Variants in PKD1L3 observed in about 807,000 individuals in gnomAD.
The protein encoded by PKD1L3 is polycystin-1-like protein 3.
PKD1L3 carries 239 observed loss-of-function variants against 184.1 expected under a neutral mutation model. That is an observed-to-expected ratio of 1.30 (90% CI 1.17 to 1.45). The LOEUF (loss-of-function observed/expected upper bound fraction) is 1.45, where lower values mean the gene tolerates loss of function less well. Among genes scored for constraint, PKD1L3 ranks in the 40% most tolerant of loss-of-function variants. The probability of loss-of-function intolerance (pLI) is 0.00; values close to 1 mark genes in which losing one functional copy is unlikely to be tolerated. For missense variants in PKD1L3, 2,660 were observed against 2,067.2 expected, an observed-to-expected ratio of 1.29 and a Z score of -5.56; for synonymous variants, 996 against 778.8, an observed-to-expected ratio of 1.28 and a Z score of -4.64.
At chr16:71,983,581 TA>T (rs920059085) in intron 6 of PKD1L3, among the ~76,000 whole-genome samples, 17 of 149,768 alleles carry the variant, frequency 1.1e-4, no homozygotes, top group African/African-American at 7.3e-5. Flanking sequence ...GATTTAAAGG[TA>T]AAAAAATATG....
chr16:71,970,214 T>C (rs2039660678), intron 12 of PKD1L3, 109 bp from the exon 13 acceptor site: 1 of 845,980 alleles, frequency 1.2e-6, no homozygotes, highest in Non-Finnish European at 1.8e-6. Flanking sequence ...TCTGGTTCTC[T>C]CATTCACAGC....
In PKD1L3 at chr16:71,973,505, G is replaced by A. The variant is rs768913369; in HGVS notation, c.1772C>T (p.Thr591Met). 5.8e-6 allele frequency: 9 copies of A among 1,551,446 alleles called. No homozygotes were observed. The highest frequency in any genetic ancestry group is 1.2e-5 in the South Asian group (1 of 84,052). ...CAGATGCTCTGGATTCAGCACCCAC[G>A]TGTACTCCTCATCTTAGAACAAAGA... Reference protein sequence around the residue: ...DKVWQKDEEYTWVLNPEHLQH... With the variant: ...DKVWQKDEEYMWVLNPEHLQH... The change falls in exon 12 of 30, where the codon ACG becomes ATG. Residue 591 changes from threonine to methionine, a missense_variant. Coordinates refer to ENST00000620267, the MANE Select transcript of PKD1L3 (RefSeq NM_181536.2).
At chr16:71,992,434 A>G (rs534119564) in intron 3 of PKD1L3, among the ~76,000 whole-genome samples, 10 of 152,236 alleles carry the variant, frequency 6.6e-5, no homozygotes, top group Non-Finnish European at 8.8e-5. Flanking sequence ...TGCTCTCACT[A>G]AACTCACATT....
chr16:71,952,917 G>A lies in PKD1L3; in HGVS notation c.2986C>T (p.Leu996Phe), dbSNP rs79285204. ...SCLSDASVEPLSATMVVEELK... is the reference protein window; with the variant it reads ...SCLSDASVEPFSATMVVEELK... Reference sequence around the variant, plus strand: ...ACCTCAACTACCATTGTGGCAGAGAGAGGCTCAACAGAAGCATCTGAGAGG... The same window carrying A: ...ACCTCAACTACCATTGTGGCAGAGAAAGGCTCAACAGAAGCATCTGAGAGG... Residue 996 changes from leucine to phenylalanine, a missense_variant, in exon 18 of 30, where the codon CTC becomes TTC. Physicochemically the swap from Leu to Phe is conservative, Grantham distance 22 (BLOSUM62 0). Coordinates refer to ENST00000620267, the MANE Select transcript of PKD1L3 (RefSeq NM_181536.2). The A allele has an allele frequency of 4.0e-4, 612 of 1,549,244 alleles. 1 individual carries two copies. The highest frequency in any genetic ancestry group is 1.0e-3 in the Middle Eastern group (6 of 5,826).
intron 2 of PKD1L3, among the ~76,000 whole-genome samples, chr16:71,994,163 T>C (rs34156336): frequency 0.51 from 77,075 of 151,960 alleles, 20,317 homozygotes; most frequent in South Asian, 0.61. Context: ...CATATAACCA[T>C]GATGACTATG....
chr16:71,942,574 C>G lies in PKD1L3; in HGVS notation c.4310G>C (p.Ser1437Thr). 1 of 1,551,414 alleles carries G rather than the reference C, an allele frequency of 6.4e-7. No individual in the cohort carries two copies. The highest frequency in any genetic ancestry group is 1.2e-5 in the South Asian group (1 of 84,050). Residue 1437 changes from serine (S) to threonine (T), a missense_variant, in exon 24 of 30, where the codon AGT becomes ACT. Coordinates refer to ENST00000620267, the MANE Select transcript of PKD1L3 (RefSeq NM_181536.2). Reference protein sequence around the residue: ...RLTSKNENGFSYIMRGAFFTS... With the variant: ...RLTSKNENGFTYIMRGAFFTS... ...ACTCCAGTTACCTCTCATGATGTAA[C>G]TGAATCCATTCTCATTCTTGCTTGT...
intron 22 of PKD1L3, among the ~76,000 whole-genome samples, chr16:71,944,612 G>A (rs184803513): frequency 6.6e-6 from 1 of 152,162 alleles, no homozygotes; most frequent in East Asian, 1.9e-4. Context: ...AAGCCCAGGA[G>A]TTTGATGTTG....
At chr16:71,978,217 A>G (rs900651881) in intron 10 of PKD1L3, 38 bp downstream of exon 10, 5 of 1,531,486 alleles carry the variant, frequency 3.3e-6, no homozygotes, top group South Asian at 2.4e-5. Context: ...AGAATATCCC[A>G]TTCTCTTCTA....
Position 71,944,175 on chromosome 16 carries a change from CAAAAA to C in PKD1L3, c.3719-10_3719-6del, listed in dbSNP as rs2038470599. On this transcript the variant is annotated splice_region_variant and splice_polypyrimidine_tract_variant and intron_variant, in intron 22 of 29. Transcript: ENST00000620267. ...GTACTGACGAAGAACATTTTGCTGTCAAAAATTCAAATATAGACCAAAGAAATGTT... is the reference window on the plus strand; with the variant it reads ...GTACTGACGAAGAACATTTTGCTGTCTTCAAATATAGACCAAAGAAATGTT... 1.9e-6 allele frequency: 3 copies of C among 1,546,186 alleles called. No individual in the cohort carries two copies. Among genetic ancestry groups the C allele is most frequent in the Non-Finnish European group, 2.6e-6 (3 of 1,143,620 alleles).
intron 22 of PKD1L3, among the ~76,000 whole-genome samples, chr16:71,945,307 C>CAT (rs2038544379): frequency 2.1e-4 from 8 of 37,544 alleles, no homozygotes; most frequent in Middle Eastern, 0.02. Context: ...TATATATATA[C>CAT]ACACACACAC....
intron 17 of PKD1L3, 78 bp from the exon 18 acceptor site, chr16:71,953,171 C>G: frequency 4.1e-6 from 5 of 1,214,762 alleles, no homozygotes; most frequent in Non-Finnish European, 5.5e-6. Context: ...CTAGGTTTAA[C>G]TATTTACTGA....
At chr16:71,994,544 T>C (rs2040712405) in intron 2 of PKD1L3, among the ~76,000 whole-genome samples, 1 of 152,138 alleles carries the variant, frequency 6.6e-6, no homozygotes, top group Non-Finnish European at 1.5e-5. Flanking sequence ...GCATGCTATT[T>C]CTTCTGCCTT....
chr16:71,986,169 G>A (rs2040353741), intron 5 of PKD1L3, 52 bp downstream of exon 5: 3 of 1,540,084 alleles, frequency 1.9e-6, no homozygotes, highest in South Asian at 1.2e-5. Context: ...GGTGAACCAA[G>A]TACTTTTTGG....
intron 7 of PKD1L3, among the ~76,000 whole-genome samples, chr16:71,980,822 G>C (rs561360622): frequency 1.3e-5 from 2 of 152,100 alleles, no homozygotes; most frequent in African/African-American, 2.4e-5. Context: ...GCAACAGAGC[G>C]AGACTCTGTC....
chr16:71,970,064 A>G lies in PKD1L3; in HGVS notation c.1995T>C (p.Cys665=), dbSNP rs999755174. The G allele has an allele frequency of 1.3e-6, 2 of 1,551,724 alleles. No individual in the cohort carries two copies. The highest frequency in any genetic ancestry group is 1.7e-6 in the Non-Finnish European group (2 of 1,146,992). The part of the protein sequence containing the change: ...QSTILRTQCL[C]NHLTFFASDF... ...CGCTGGCAAAGAAGGTCAGGTGGTT[A>G]CAGAGACACTGTGTCCTCAGAATTG... The change falls in exon 13 of 30, where the codon TGT becomes TGC. Residue 665 remains cysteine (C), a synonymous_variant. Coordinates refer to ENST00000620267, the MANE Select transcript of PKD1L3 (RefSeq NM_181536.2).
chr16:71,953,610 C>T (rs1413283160), intron 17 of PKD1L3, among the ~76,000 whole-genome samples: 1 of 152,120 alleles, frequency 6.6e-6, no homozygotes, highest in Non-Finnish European at 1.5e-5. Flanking sequence ...TTTTTTTAAT[C>T]CCCGAGACGG....
At chr16:71,977,108 G>A (rs957621579) in intron 11 of PKD1L3, 128 bp downstream of exon 11, 37 of 716,134 alleles carry the variant, frequency 5.2e-5, no homozygotes, top group Non-Finnish European at 7.4e-5. Flanking sequence ...AGCTACTTAA[G>A]AGGCTAAGGC....
At chr16:71,953,495 C>T (rs780954653) in intron 17 of PKD1L3, among the ~76,000 whole-genome samples, 1 of 152,168 alleles carries the variant, frequency 6.6e-6, no homozygotes, top group Non-Finnish European at 1.5e-5. Flanking sequence ...CAAAGCATTA[C>T]AAAGCACTAC....
chr16:71,977,509 T>G (rs2143699906), intron 10 of PKD1L3, 42 bp from the exon 11 acceptor site: 1 of 1,429,740 alleles, frequency 7.0e-7, no homozygotes, highest in Admixed American at 2.0e-5. Flanking sequence ...GTCCATCCAT[T>G]GATGTCTTTC....
Sources: gnomAD v4.1 joint callset for allele counts (sites outside exome capture counted in the v4.1 genomes callset) on GRCh38, gnomAD v4.1.1 for gene constraint, MANE v1.5 for transcripts, NCBI Gene and HGNC (gene_info 2026-07-23, HGNC 2026-07-21) for gene names.